Variants in PREX1 observed in about 807,000 individuals in gnomAD.
PREX1 encodes phosphatidylinositol-3,4,5-trisphosphate dependent Rac exchange factor 1.
In PREX1, 41 loss-of-function variants were observed where a neutral mutation model predicts 198.3. That is an observed-to-expected ratio of 0.21 (90% CI 0.16 to 0.27). PREX1 has a LOEUF of 0.27. Among genes scored for constraint, PREX1 ranks in the 10% least tolerant of loss-of-function variants. The pLI, the probability that PREX1 is intolerant of heterozygous loss-of-function variation, is 1.00. For missense variants in PREX1, 1,620 were observed against 2,200.7 expected, an observed-to-expected ratio of 0.74 and a Z score of 5.28; for synonymous variants, 843 against 887.2, an observed-to-expected ratio of 0.95 and a Z score of 0.89.
rs1177062356 is a variant in PREX1, at chr20:48,827,037, G to A, written c.219+605C>T. Among the ~76,000 whole-genome samples, 4 of 152,176 alleles carry A rather than the reference G, an allele frequency of 2.6e-5. No individual in the cohort carries two copies. Among genetic ancestry groups the A allele is most frequent in the African/African-American group, 9.7e-5 (4 of 41,432 alleles). ...TTTTGCACTTGGAGATGGGGAGTTG[G>A]TGGGGGTGGATGCAGTTAGGGAGCC... On this transcript the variant is annotated intron_variant, in intron 1 of 39. Transcript: ENST00000371941. This position sits in a 1 kb window ranked among gnomAD's most constrained non-coding sequence, Gnocchi z 4.1.
chr20:48,767,570 G>A (rs1459523472), intron 1 of PREX1, among the ~76,000 whole-genome samples: 1 of 152,128 alleles, frequency 6.6e-6, no homozygotes, highest in Non-Finnish European at 1.5e-5. Flanking sequence ...TCGCACCAGA[G>A]TGAAATGCCA....
chr20:48,689,984 G>A (rs1035003480), intron 9 of PREX1, among the ~76,000 whole-genome samples: 4 of 152,176 alleles, frequency 2.6e-5, no homozygotes, highest in African/African-American at 9.7e-5. Context: ...TTGAATTTGG[G>A]GAGCAGGTGT....
At chr20:48,826,775 C>T (rs1330055721) in intron 1 of PREX1, among the ~76,000 whole-genome samples, 3 of 152,208 alleles carry the variant, frequency 2.0e-5, no homozygotes, top group African/African-American at 7.2e-5. Flanking sequence ...AAGAGAATTG[C>T]TTGAACCCGG....
intron 1 of PREX1, among the ~76,000 whole-genome samples, chr20:48,793,110 G>A (rs895203232): frequency 6.6e-6 from 1 of 152,074 alleles, no homozygotes; most frequent in African/African-American, 2.4e-5. Context: ...AAGGCTGAGG[G>A]GGGAGAATTG....
chr20:48,688,392 C>T (rs2089797605), intron 10 of PREX1, among the ~76,000 whole-genome samples: 1 of 152,086 alleles, frequency 6.6e-6, no homozygotes. Context: ...TCTGTGAAAC[C>T]TCAGCTTCAA....
intron 8 of PREX1, chr20:48,692,338 G>A (rs781717861): frequency 9.2e-6 from 2 of 218,244 alleles, no homozygotes; most frequent in Non-Finnish European, 1.9e-5. Flanking sequence ...CTCAAAAATA[G>A]AAATTTTAAT....
At chr20:48,879,899 T>A in the PREX1 span, among the ~76,000 whole-genome samples, 1 of 152,240 alleles carries the variant, frequency 6.6e-6, no homozygotes, top group African/African-American at 2.4e-5. Context: ...CTGATATTCC[T>A]TTGTTTTAAT....
At chr20:48,860,233 G>C in the PREX1 span, among the ~76,000 whole-genome samples, 1 of 152,170 alleles carries the variant, frequency 6.6e-6, no homozygotes, top group Admixed American at 6.5e-5. Context: ...TACAACATGG[G>C]TGAACCTTGA....
In PREX1 at chr20:48,665,958, C is replaced by T. The variant is rs559092703; in HGVS notation, c.1738+325G>A. On this transcript the variant is annotated intron_variant, in intron 15 of 39. Transcript: ENST00000371941. ...ACAGCTCCTCCTTCCTCACGGAGGC[C>T]TTCGGGCCAGGCCTGCCTCATCTGG... Among the ~76,000 whole-genome samples the T allele has an allele frequency of 2.6e-5, 4 of 152,336 alleles. No individual in the cohort carries two copies. The South Asian group carries it at 8.3e-4, about 32-fold the overall frequency.
At chr20:48,870,949 TCAAA>T in the PREX1 span, among the ~76,000 whole-genome samples, 10 of 66 alleles carry the variant, frequency 0.15, no homozygotes, top group African/African-American at 0.25. Context: ...AGACTCCATC[TCAAA>T]AAAAAAAAAA....
At chr20:48,705,592 A>G (rs1601088070) in intron 6 of PREX1, among the ~76,000 whole-genome samples, 1 of 152,158 alleles carries the variant, frequency 6.6e-6, no homozygotes, top group Non-Finnish European at 1.5e-5. Context: ...AACATGAACT[A>G]CCCCCTAAGG....
chr20:48,792,884 T>C (rs1339209895), intron 1 of PREX1, among the ~76,000 whole-genome samples: 2 of 150,916 alleles, frequency 1.3e-5, no homozygotes, highest in Non-Finnish European at 2.9e-5. Flanking sequence ...TCCATTTATA[T>C]GAAATGTCCA....
chr20:48,700,598 C>T (rs2089868702), intron 7 of PREX1, among the ~76,000 whole-genome samples, 155 bp downstream of exon 7: 1 of 152,084 alleles, frequency 6.6e-6, no homozygotes, highest in Admixed American at 6.6e-5. Flanking sequence ...TAACATAACA[C>T]GTGGCTTGCA....
intron 10 of PREX1, among the ~76,000 whole-genome samples, chr20:48,681,645 T>TTG (rs1441186354): frequency 6.6e-6 from 1 of 151,436 alleles, no homozygotes; most frequent in Non-Finnish European, 1.5e-5. Flanking sequence ...GGAAGGAAGC[T>TTG]GGGCAGGCAG....
intron 5 of PREX1, among the ~76,000 whole-genome samples, chr20:48,720,240 ACTGATCTT>A: frequency 6.6e-6 from 1 of 152,162 alleles, no homozygotes; most frequent in Non-Finnish European, 1.5e-5. Context: ...CCTGGTCCTT[ACTGATCTT>A]CTGAACCTGA....
At chr20:48,757,691 G>A (rs1340665811) in intron 1 of PREX1, among the ~76,000 whole-genome samples, 12 of 152,156 alleles carry the variant, frequency 7.9e-5, no homozygotes, top group Non-Finnish European at 1.8e-4. Context: ...CACAGGAGGT[G>A]CCCAATAAGT....
intron 5 of PREX1, 65 bp from the exon 6 acceptor site, chr20:48,708,486 C>G: frequency 6.5e-7 from 1 of 1,535,046 alleles, no homozygotes; most frequent in Non-Finnish European, 8.9e-7. Context: ...AGACCCAGGC[C>G]AGAGCTGAAC....
At chr20:48,773,618 G>T (rs1403871560) in intron 1 of PREX1, among the ~76,000 whole-genome samples, 2 of 152,166 alleles carry the variant, frequency 1.3e-5, no homozygotes, top group African/African-American at 4.8e-5. Flanking sequence ...ACCTGCAGAG[G>T]AACTGAGGCA....
chr20:48,653,747 C>T (rs935842808), intron 19 of PREX1, among the ~76,000 whole-genome samples: 1 of 152,208 alleles, frequency 6.6e-6, no homozygotes, highest in East Asian at 1.9e-4. Context: ...AAACGGGATC[C>T]GATTCAGGCC....
Sources: allele counts gnomAD v4.1 joint callset (sites outside exome capture counted in the v4.1 genomes callset), GRCh38; gene constraint gnomAD v4.1.1; non-coding constraint Gnocchi (gnomAD v3.1); transcripts MANE v1.5; gene names NCBI Gene and HGNC (gene_info 2026-07-23, HGNC 2026-07-21).